Variants in RAD54L2 observed in about 807,000 individuals in gnomAD.
The protein encoded by RAD54L2 is helicase ARIP4.
Under a neutral mutation model 138.4 loss-of-function variants are expected in RAD54L2, and 27 were observed. The ratio of observed to expected loss-of-function variants is 0.20; its 90% CI spans 0.14 to 0.27. The LOEUF is 0.27. Ranked by LOEUF, RAD54L2 falls within the 10% of genes least tolerant of loss-of-function variation. The pLI, the probability that RAD54L2 is intolerant of heterozygous loss-of-function variation, is 1.00. For synonymous variants in RAD54L2, 644 were observed against 723.2 expected (o/e 0.89, Z 1.76); for missense variants, 1,396 against 1,890.2 (o/e 0.74, Z 4.85).
chr3:51,573,449 A>ATT (rs113639116), intron 2 of RAD54L2, among the ~76,000 whole-genome samples: 18 of 146,924 alleles, frequency 1.2e-4, no homozygotes, highest in South Asian at 4.3e-4. Context: ...AAATCTATCT[A>ATT]TTTTTTTTTT....
In RAD54L2 at chr3:51,660,004, T is replaced by C. The variant is rs773346095; in HGVS notation, c.3317-22T>C. ...TGTATTATATGTCTGCCTCTAACTGTCTTCTTCGTGTCTATTCTTAGGGAC... is the reference window on the plus strand; with the variant it reads ...TGTATTATATGTCTGCCTCTAACTGCCTTCTTCGTGTCTATTCTTAGGGAC... On this transcript the variant is annotated intron_variant, in intron 21 of 22. Transcript: ENST00000684192. The C allele has an allele frequency of 4.5e-6, 7 of 1,555,436 alleles. No individual in the cohort carries two copies. In the South Asian group the frequency reaches 8.1e-5, roughly 18 times the overall value.
chr3:51,554,790 G>A (rs1359856026), intron 2 of RAD54L2, among the ~76,000 whole-genome samples: 1 of 152,044 alleles, frequency 6.6e-6, no homozygotes, highest in Non-Finnish European at 1.5e-5. Context: ...TACATAATAA[G>A]AACCTTGGTC....
At chr3:51,596,664 G>A (rs539810100) in intron 3 of RAD54L2, among the ~76,000 whole-genome samples, 7 of 151,918 alleles carry the variant, frequency 4.6e-5, no homozygotes, top group East Asian at 1.9e-4. Context: ...ACCCTTTTTC[G>A]TATGTGAATA....
At chr3:51,661,614 C>T (rs1701776385) in intron 22 of RAD54L2, among the ~76,000 whole-genome samples, 1 of 152,226 alleles carries the variant, frequency 6.6e-6, no homozygotes, top group Admixed American at 6.5e-5. Context: ...TTTATCCTCC[C>T]ACCCCTGAGC....
chr3:51,630,481 A>G, intron 6 of RAD54L2, 93 bp downstream of exon 6: 1 of 1,238,848 alleles, frequency 8.1e-7, no homozygotes. Flanking sequence ...TTCCTCCTTC[A>G]ATTTGGGATG....
intron 5 of RAD54L2, 97 bp downstream of exon 5, chr3:51,629,570 G>T: frequency 6.8e-7 from 1 of 1,465,802 alleles, no homozygotes; most frequent in Non-Finnish European, 9.2e-7. Context: ...TAAGACTGTG[G>T]CCTCTCGGCT....
chr3:51,590,343 C>A lies in RAD54L2; in HGVS notation c.-54-24C>A, dbSNP rs1195732387. 22 of 1,422,340 alleles carry A rather than the reference C, an allele frequency of 1.5e-5. No homozygotes were observed. In the East Asian group the frequency reaches 5.1e-4, roughly 33 times the overall value. The allele number at this position is 1,422,340 out of a possible 1,614,324, so 88.1% of individuals were successfully genotyped here. A position where few individuals can be genotyped will look rare whatever the true frequency, so the allele number is the denominator to read the frequency against. ...TTCCTAAGCAAAACCCTTGGTGATT[C>A]TGATGCCTTTCATCCTCTCCTAGCA... On this transcript the variant is annotated intron_variant, in intron 2 of 22. Transcript: ENST00000684192.
In RAD54L2 at chr3:51,583,053, C is replaced by T. The variant is rs181887307; in HGVS notation, c.-54-7314C>T. ...GTGCTAGGATTACAGGCATGAGCCA[C>T]CATGCCCGGCCAAGAATGTTAATAT... On this transcript the variant is annotated intron_variant, in intron 2 of 22. Transcript: ENST00000684192. Among the ~76,000 whole-genome samples the T allele has an allele frequency of 2.8e-4, 43 of 152,314 alleles. 1 individual carries two copies. Among genetic ancestry groups the T allele is most frequent in the Non-Finnish European group, 4.4e-5 (3 of 68,030 alleles).
chr3:51,641,607 G>A (rs950472562), intron 14 of RAD54L2, 142 bp from the exon 15 acceptor site: 7 of 575,246 alleles, frequency 1.2e-5, no homozygotes, highest in Admixed American at 3.0e-5. Context: ...TTGAGCCACC[G>A]TGCCCAACCT....
chr3:51,593,039 G>C (rs570534448), intron 3 of RAD54L2, among the ~76,000 whole-genome samples: 2 of 152,242 alleles, frequency 1.3e-5, no homozygotes, highest in African/African-American at 4.8e-5. Flanking sequence ...GTTTTAGTTG[G>C]TGTAGTGTGA....
intron 2 of RAD54L2, among the ~76,000 whole-genome samples, chr3:51,582,951 G>A (rs1174464408): frequency 6.6e-6 from 1 of 152,090 alleles, no homozygotes; most frequent in East Asian, 1.9e-4. Context: ...ATTTTTAGTA[G>A]AGACGGGGTT....
chr3:51,603,603 C>T (rs913740788), intron 3 of RAD54L2, among the ~76,000 whole-genome samples: 1 of 151,914 alleles, frequency 6.6e-6, no homozygotes, highest in African/African-American at 2.4e-5. Flanking sequence ...GAGACTCTGC[C>T]TCAAAATAAA....
chr3:51,617,324 A>G (rs1356771481), intron 3 of RAD54L2, among the ~76,000 whole-genome samples: 1 of 151,854 alleles, frequency 6.6e-6, no homozygotes, highest in Non-Finnish European at 1.5e-5. Context: ...TGATTATACC[A>G]CTCTTTACTC....
chr3:51,581,414 C>G (rs766102103), intron 2 of RAD54L2, among the ~76,000 whole-genome samples: 1 of 152,090 alleles, frequency 6.6e-6, no homozygotes, highest in Non-Finnish European at 1.5e-5. Flanking sequence ...TAAAAGGATT[C>G]ATATAGAATT....
rs1042995608 is a variant in RAD54L2 at position 51,629,449 on chromosome 3, A to G, written c.457A>G (p.Thr153Ala). 3.1e-6 allele frequency: 5 copies of G among 1,612,534 alleles called. No homozygotes were observed. In the Admixed American group the frequency reaches 5.0e-5, roughly 16 times the overall value. ...GAAAGATTATGCAGCCCCTATTCCT[A>G]CTGTTCCGCTGGAGTTCCTCCCTGG... ...QRKDYAAPIP[T>A]VPLEFLPEEI... Residue 153 changes from threonine to alanine, a missense_variant, in exon 5 of 23, where the codon ACT (threonine) becomes GCT (alanine). Thr to Ala is a moderately conservative substitution (Grantham distance 58). Transcript: ENST00000684192.
intron 2 of RAD54L2, among the ~76,000 whole-genome samples, chr3:51,556,412 A>T (rs1698967324): frequency 6.6e-6 from 1 of 151,334 alleles, no homozygotes; most frequent in Non-Finnish European, 1.5e-5. Context: ...GGCTGGCTAG[A>T]TTTTACTTTT....
intron 16 of RAD54L2, among the ~76,000 whole-genome samples, chr3:51,644,191 G>C (rs1468288440): frequency 6.6e-6 from 1 of 152,200 alleles, no homozygotes; most frequent in East Asian, 1.9e-4. Flanking sequence ...CAATGGTTGT[G>C]GCTCATGCCT....
intron 14 of RAD54L2, 73 bp downstream of exon 14, chr3:51,640,072 C>A: frequency 1.8e-6 from 2 of 1,137,790 alleles, no homozygotes; most frequent in Non-Finnish European, 2.6e-6. Context: ...AGAGCAAGAC[C>A]AAGACCACCC....
chr3:51,625,099 A>G (rs951080317), intron 3 of RAD54L2, among the ~76,000 whole-genome samples: 2 of 152,116 alleles, frequency 1.3e-5, no homozygotes, highest in Non-Finnish European at 2.9e-5. Flanking sequence ...ACACTTGACT[A>G]CATACTCATA....
Sources: gnomAD v4.1 joint callset for allele counts (sites outside exome capture counted in the v4.1 genomes callset) on GRCh38, gnomAD v4.1.1 for gene constraint, MANE v1.5 for transcripts, NCBI Gene and HGNC (gene_info 2026-07-23, HGNC 2026-07-21) for gene names.